Variants in CALCRL observed in about 807,000 individuals in gnomAD.
CALCRL encodes the protein calcitonin gene-related peptide type 1 receptor.
CALCRL carries 27 observed loss-of-function variants against 60.4 expected under a neutral mutation model. The observed-to-expected ratio is 0.45, with a 90% CI of 0.33 to 0.62. CALCRL has a LOEUF of 0.62. CALCRL is among the 20% of genes least tolerant of loss of function. The probability of loss-of-function intolerance (pLI) is 0.03; values close to 1 mark genes in which losing one functional copy is unlikely to be tolerated. For missense variants in CALCRL, 424 were observed against 540.7 expected (o/e 0.78, Z 2.14); for synonymous variants, 190 against 182.6 (o/e 1.04, Z -0.33).
chr2:187,429,260 A>G (rs1227226454), intron 1 of CALCRL, among the ~76,000 whole-genome samples: 4 of 152,152 alleles, frequency 2.6e-5, no homozygotes, highest in Non-Finnish European at 4.4e-5. Flanking sequence ...ATACAAAAAA[A>G]AAACCCTTGT....
chr2:187,371,661 G>A (rs562385451), intron 8 of CALCRL, among the ~76,000 whole-genome samples: 40 of 151,532 alleles, frequency 2.6e-4, no homozygotes, highest in African/African-American at 7.0e-4. Context: ...GCTTGAACCC[G>A]GGAAGCAGAG....
At chr2:187,403,032 G>A (rs1688959546) in intron 1 of CALCRL, among the ~76,000 whole-genome samples, 3 of 151,518 alleles carry the variant, frequency 2.0e-5, no homozygotes, top group Admixed American at 6.6e-5. Flanking sequence ...GATACAACCC[G>A]GAAGAGGGCC....
In CALCRL at chr2:187,380,482, G is replaced by T; in HGVS notation, c.393C>A (p.Thr131=). The change falls in exon 7 of 15, where the codon ACC becomes ACA. Residue 131 remains threonine (T), a synonymous_variant. Coordinates refer to ENST00000392370, the MANE Select transcript of CALCRL (RefSeq NM_005795.6). ...TATGACATACCTTCACTTTCTCGTG[G>T]GTGTTAACATTACACTGGGTATAAT... The part of the protein sequence containing the change: ...WTNYTQCNVN[T]HEKVKTALNL... The T allele has an allele frequency of 6.3e-7, 1 of 1,594,764 alleles. No individual in the cohort carries two copies. Among genetic ancestry groups the T allele is most frequent in the Non-Finnish European group, 8.6e-7 (1 of 1,163,036 alleles).
In CALCRL at chr2:187,352,255, A is replaced by G. The variant is rs1044225202; in HGVS notation, c.987T>C (p.Asn329=). ...TAGCTCTCACAGCTTTCATGTACAG[A>G]TTGGATTCCGCTTGGTGTGTAACTT... The part of the protein sequence containing the change: ...KLKVTHQAES[N]LYMKAVRATL... Residue 329 remains asparagine (N), a synonymous_variant, in exon 13 of 15, where the codon AAT becomes AAC. Coordinates refer to ENST00000392370, the MANE Select transcript of CALCRL (RefSeq NM_005795.6). The G allele has an allele frequency of 1.2e-6, 2 of 1,612,240 alleles. No individual in the cohort carries two copies. The highest frequency in any genetic ancestry group is 1.7e-6 in the Non-Finnish European group (2 of 1,178,864).
intron 1 of CALCRL, among the ~76,000 whole-genome samples, chr2:187,443,643 A>T (rs184660211): frequency 6.6e-6 from 1 of 151,894 alleles, no homozygotes; most frequent in East Asian, 1.9e-4. Flanking sequence ...TTTTAAAGAC[A>T]TATGCACATT....
intron 14 of CALCRL, among the ~76,000 whole-genome samples, chr2:187,348,893 G>C (rs1686401195): frequency 6.6e-6 from 1 of 151,628 alleles, no homozygotes; most frequent in Non-Finnish European, 1.5e-5. Flanking sequence ...AGGGAAGATA[G>C]CTGGGTGTTA....
rs767656620 is a variant in CALCRL, at chr2:187,346,408, C to G, written c.1171-9G>C. 3 of 1,589,602 alleles carry G rather than the reference C, an allele frequency of 1.9e-6. No homozygotes were observed. The highest frequency in any genetic ancestry group is 2.6e-6 in the Non-Finnish European group (3 of 1,162,712). ...CTCAGAATTGCTTGAACCTATCAAT[C>G]AAAAGGAAAACAGAAAGAACAAGAA... On this transcript the variant is annotated splice_polypyrimidine_tract_variant and intron_variant, in intron 14 of 14. Coordinates refer to ENST00000392370, the MANE Select transcript of CALCRL (RefSeq NM_005795.6).
intron 1 of CALCRL, among the ~76,000 whole-genome samples, chr2:187,438,422 C>A (rs1408787339): frequency 6.6e-6 from 1 of 152,070 alleles, no homozygotes; most frequent in African/African-American, 2.4e-5. Context: ...TACAGACTGA[C>A]AAACATGTCT....
intron 14 of CALCRL, among the ~76,000 whole-genome samples, chr2:187,348,374 A>G (rs936180240): frequency 6.6e-6 from 1 of 151,686 alleles, no homozygotes; most frequent in Non-Finnish European, 1.5e-5. Flanking sequence ...TTGTTACTAA[A>G]TGCTGAATTG....
chr2:187,429,070 A>G (rs1690283169), intron 1 of CALCRL, among the ~76,000 whole-genome samples: 1 of 152,078 alleles, frequency 6.6e-6, no homozygotes. Context: ...TATCTTTACT[A>G]TTTTGGAGTC....
chr2:187,353,032 A>T lies in CALCRL; in HGVS notation c.910-700T>A, dbSNP rs185637563. On this transcript the variant is annotated intron_variant, in intron 12 of 14. Transcript: ENST00000392370. ...TCAACAACTTTCTCGAAGAGACAGT[A>T]GTTTCTTTGGATGGGAGACATAAAC... is the stretch of plus-strand genomic sequence containing the variant. 3.9e-3 allele frequency among the ~76,000 whole-genome samples: 596 copies of T among 152,008 alleles called. 5 individuals carry two copies. Among genetic ancestry groups the T allele is most frequent in the Non-Finnish European group, 4.6e-3 (312 of 67,874 alleles).
intron 1 of CALCRL, among the ~76,000 whole-genome samples, chr2:187,443,277 C>T (rs2105913710): frequency 6.6e-6 from 1 of 151,846 alleles, no homozygotes; most frequent in Non-Finnish European, 1.5e-5. Context: ...TGCATAGAAA[C>T]AAATTATGTC....
intron 1 of CALCRL, among the ~76,000 whole-genome samples, chr2:187,434,580 C>G (rs563567617): frequency 1.3e-5 from 2 of 152,174 alleles, no homozygotes; most frequent in Admixed American, 1.3e-4. Context: ...CTGCTAGGAT[C>G]CTGAAATCTC....
intron 1 of CALCRL, among the ~76,000 whole-genome samples, chr2:187,406,997 T>C (rs539133413): frequency 2.0e-5 from 3 of 152,198 alleles, no homozygotes; most frequent in East Asian, 1.9e-4. Flanking sequence ...ATAACTTCTT[T>C]AGTTTCGCTC....
At chr2:187,378,039 G>T (rs1040419135) in intron 8 of CALCRL, among the ~76,000 whole-genome samples, 1 of 149,152 alleles carries the variant, frequency 6.7e-6, no homozygotes, top group Non-Finnish European at 1.5e-5. Flanking sequence ...AGGAGGAGGA[G>T]GAGGAAAAAG....
intron 8 of CALCRL, among the ~76,000 whole-genome samples, chr2:187,371,550 G>A (rs950255213): frequency 6.6e-6 from 1 of 152,084 alleles, no homozygotes; most frequent in Non-Finnish European, 1.5e-5. Flanking sequence ...GTAATTAGTA[G>A]AGCAAACTCT....
At chr2:187,429,486 T>G (rs1404589224) in intron 1 of CALCRL, among the ~76,000 whole-genome samples, 1 of 152,174 alleles carries the variant, frequency 6.6e-6, no homozygotes, top group Non-Finnish European at 1.5e-5. Flanking sequence ...TGCTTTATAT[T>G]CCACGGCAGT....
intron 1 of CALCRL, among the ~76,000 whole-genome samples, chr2:187,437,687 A>G (rs1296435504): frequency 1.3e-5 from 2 of 152,206 alleles, no homozygotes; most frequent in Admixed American, 6.5e-5. Context: ...TAATAACTTT[A>G]TCAAAAATAT....
intron 8 of CALCRL, among the ~76,000 whole-genome samples, chr2:187,365,699 A>C (rs1687245616): frequency 6.6e-6 from 1 of 152,234 alleles, no homozygotes; most frequent in Non-Finnish European, 1.5e-5. Context: ...GAAGACTTTC[A>C]AAAATAGAAC....
Sources: gnomAD v4.1 joint callset for allele counts (sites outside exome capture counted in the v4.1 genomes callset) on GRCh38, gnomAD v4.1.1 for gene constraint, MANE v1.5 for transcripts, NCBI Gene and HGNC (gene_info 2026-07-23, HGNC 2026-07-21) for gene names.